Variants in KCNT2 observed in about 807,000 individuals in gnomAD.
KCNT2 encodes the protein potassium sodium-activated channel subfamily T member 2, also known as potassium channel subfamily T member 2.
A neutral mutation model predicts 153.8 loss-of-function variants in KCNT2; 67 were observed. The ratio of observed to expected loss-of-function variants is 0.44; its 90% CI spans 0.36 to 0.53. KCNT2 has a LOEUF of 0.53. Among genes scored for constraint, KCNT2 ranks in the 20% least tolerant of loss-of-function variants. The pLI is 0.00. For synonymous variants in KCNT2, 500 were observed against 458.8 expected (o/e 1.09, Z -1.15); for missense variants, 975 against 1,354.8 (o/e 0.72, Z 4.40).
chr1:196,303,955 C>T (rs997447745), intron 22 of KCNT2, among the ~76,000 whole-genome samples: 6 of 152,112 alleles, frequency 3.9e-5, no homozygotes, highest in Non-Finnish European at 7.4e-5. Context: ...TTTTATGTTG[C>T]TAAAGCAACG....
Position 196,227,459 on chromosome 1 carries a change from T to A in KCNT2, c.*765A>T, listed in dbSNP as rs1409542932. On this transcript the variant is annotated 3_prime_UTR_variant, in exon 28 of 28. Transcript: ENST00000294725. Reference sequence around the variant, plus strand: ...ACAAATGTGTATTAAGTATTTTCTCTATGCTAGGCATTCGTTTAGGAGAAT... The same window carrying A: ...ACAAATGTGTATTAAGTATTTTCTCAATGCTAGGCATTCGTTTAGGAGAAT... 1 of 152,116 alleles carries A rather than the reference T, an allele frequency of 6.6e-6. No individual in the cohort carries two copies. The highest frequency in any genetic ancestry group is 2.4e-5 in the African/African-American group (1 of 41,468). 9.4% of individuals were successfully genotyped at this position (152,116 alleles called of 1,614,324 possible). A position where few individuals can be genotyped will look rare whatever the true frequency, so the allele number is the denominator to read the frequency against.
chr1:196,547,142 C>T lies in KCNT2; in HGVS notation c.96-54801G>A, dbSNP rs144587640. 1.9e-3 allele frequency among the ~76,000 whole-genome samples: 296 copies of T among 152,018 alleles called. 4 individuals are homozygous for T. The highest frequency in any genetic ancestry group is 3.5e-3 in the South Asian group (17 of 4,814). ...AAGTTAAAGAGTACTCATCACACTT[C>T]CTTGTGGAGAGAATAAAAATATGTA... On this transcript the variant is annotated intron_variant, in intron 1 of 27. Coordinates refer to ENST00000294725, the MANE Select transcript of KCNT2 (RefSeq NM_198503.5).
intron 12 of KCNT2, among the ~76,000 whole-genome samples, chr1:196,414,671 T>A (rs900795475): frequency 6.6e-6 from 1 of 151,904 alleles, no homozygotes; most frequent in South Asian, 2.1e-4. Context: ...TTTTGAACCA[T>A]GTTGAAGAGT....
chr1:196,577,685 A>C (rs1440365157), intron 1 of KCNT2, among the ~76,000 whole-genome samples: 1 of 152,186 alleles, frequency 6.6e-6, no homozygotes, highest in Admixed American at 6.5e-5. Context: ...TTCCGAGAGC[A>C]CTGGTTAGAG....
At chr1:196,289,513 C>T (rs533254928) in intron 22 of KCNT2, among the ~76,000 whole-genome samples, 13 of 152,118 alleles carry the variant, frequency 8.5e-5, no homozygotes, top group Admixed American at 7.2e-4. Flanking sequence ...CTTATGTTAG[C>T]GGCCTACATC....
At chr1:196,348,370 C>A (rs1666318948) in intron 14 of KCNT2, among the ~76,000 whole-genome samples, 2 of 151,964 alleles carry the variant, frequency 1.3e-5, no homozygotes, top group Admixed American at 1.3e-4. Context: ...TTATGAAAAA[C>A]CATTTAATAA....
At chr1:196,526,560 T>G (rs1654240947) in intron 1 of KCNT2, among the ~76,000 whole-genome samples, 1 of 151,898 alleles carries the variant, frequency 6.6e-6, no homozygotes, top group Non-Finnish European at 1.5e-5. Context: ...TTCAAGCGAT[T>G]CTCCTCCTCA....
chr1:196,526,557 G>A (rs1383639757), intron 1 of KCNT2, among the ~76,000 whole-genome samples: 3 of 151,642 alleles, frequency 2.0e-5, no homozygotes, highest in East Asian at 1.9e-4. Context: ...AGGTTCAAGC[G>A]ATTCTCCTCC....
intron 13 of KCNT2, among the ~76,000 whole-genome samples, chr1:196,395,958 G>A (rs1247578808): frequency 6.6e-6 from 1 of 151,522 alleles, no homozygotes; most frequent in East Asian, 1.9e-4. Flanking sequence ...AAGTAAATAC[G>A]ATTTTAAATT....
intron 8 of KCNT2, among the ~76,000 whole-genome samples, chr1:196,441,656 TA>T (rs1557939319): frequency 6.6e-6 from 1 of 151,804 alleles, no homozygotes; most frequent in South Asian, 2.1e-4. Flanking sequence ...ATTAATGATT[TA>T]AAAAAATAAA....
intron 14 of KCNT2, among the ~76,000 whole-genome samples, chr1:196,366,149 A>T (rs537223416): frequency 3.0e-4 from 45 of 150,868 alleles, no homozygotes; most frequent in South Asian, 2.3e-3. Context: ...TTATTTACTT[A>T]TTTATTTAAT....
chr1:196,464,123 T>A (rs2148658202), intron 8 of KCNT2, among the ~76,000 whole-genome samples: 1 of 151,956 alleles, frequency 6.6e-6, no homozygotes, highest in Non-Finnish European at 1.5e-5. Flanking sequence ...AAAACACTCC[T>A]AAGTTGCCCA....
At chr1:196,522,018 GTAAT>G (rs57423623) in intron 1 of KCNT2, among the ~76,000 whole-genome samples, 8,399 of 152,070 alleles carry the variant, frequency 0.055, 752 homozygotes, top group African/African-American at 0.19. Context: ...AGATTCATAA[GTAAT>G]TAATTAATTA....
intron 13 of KCNT2, among the ~76,000 whole-genome samples, chr1:196,387,562 G>T (rs922527201): frequency 6.6e-6 from 1 of 151,842 alleles, no homozygotes; most frequent in Admixed American, 6.6e-5. Flanking sequence ...CTTCAAGAGG[G>T]CATGAGAGCT....
chr1:196,270,326 A>G (rs889268305), intron 25 of KCNT2, among the ~76,000 whole-genome samples: 2 of 152,050 alleles, frequency 1.3e-5, no homozygotes, highest in Non-Finnish European at 2.9e-5. Context: ...AAAATTAAAG[A>G]ACGGTTTCTG....
chr1:196,577,410 C>T (rs1661495137), intron 1 of KCNT2, among the ~76,000 whole-genome samples: 1 of 152,112 alleles, frequency 6.6e-6, no homozygotes, highest in Admixed American at 6.6e-5. Flanking sequence ...GCCTGACAGA[C>T]TGAATGGAGA....
intron 14 of KCNT2, among the ~76,000 whole-genome samples, chr1:196,369,326 T>G (rs1038135675): frequency 2.0e-5 from 3 of 152,126 alleles, no homozygotes; most frequent in African/African-American, 4.8e-5. Flanking sequence ...TATTTATTTT[T>G]GTTTTTTTAT....
At chr1:196,418,652 T>A (rs139146560) in intron 12 of KCNT2, among the ~76,000 whole-genome samples, 81 of 152,194 alleles carry the variant, frequency 5.3e-4, no homozygotes, top group African/African-American at 1.9e-3. Context: ...ACCCCTGGTA[T>A]CTCTGTATAT....
intron 16 of KCNT2, among the ~76,000 whole-genome samples, chr1:196,339,281 T>C (rs1324968465): frequency 6.6e-6 from 1 of 151,966 alleles, no homozygotes; most frequent in Non-Finnish European, 1.5e-5. Context: ...GTGAAGACAA[T>C]CATTTTAGAT....
Sources: allele counts gnomAD v4.1 joint callset (sites outside exome capture counted in the v4.1 genomes callset), GRCh38; gene constraint gnomAD v4.1.1; transcripts MANE v1.5; gene names NCBI Gene and HGNC (gene_info 2026-07-23, HGNC 2026-07-21).